BAZ1B: variants seen among roughly 807,000 people sequenced by gnomAD.
BAZ1B encodes the protein tyrosine-protein kinase BAZ1B.
BAZ1B carries 22 observed loss-of-function variants against 153.8 expected under a neutral mutation model. The ratio of observed to expected loss-of-function variants is 0.14; its 90% confidence interval spans 0.10 to 0.20. The LOEUF is 0.20. BAZ1B is among the 10% of genes least tolerant of loss of function. BAZ1B has a pLI of 1.00. For missense variants in BAZ1B, 1,325 were observed against 1,799.3 expected, an observed-to-expected ratio of 0.74 and a Z score of 4.77; for synonymous variants, 676 against 633.4, an observed-to-expected ratio of 1.07 and a Z score of -1.01.
rs541856588 is a variant in BAZ1B, at chr7:73,472,328, G to A, written c.2594-1845C>T. Among the ~76,000 whole-genome samples, 5 of 151,002 alleles carry A rather than the reference G, an allele frequency of 3.3e-5. No individual in the cohort carries two copies. The South Asian group carries it at 6.3e-4, about 19-fold the overall frequency. On this transcript the variant is annotated intron_variant, in intron 7 of 19. Transcript: ENST00000339594. ...GGCTGGAGTGCAATGGTATGATCTCGCCTCACCGCAACCTCCGCCTGCCGG... is the reference window on the plus strand; with the variant it reads ...GGCTGGAGTGCAATGGTATGATCTCACCTCACCGCAACCTCCGCCTGCCGG...
chr7:73,443,149 C>CA (rs1787692511), intron 17 of BAZ1B, among the ~76,000 whole-genome samples: 4 of 152,312 alleles, frequency 2.6e-5, no homozygotes, highest in Admixed American at 2.6e-4. Context: ...CACTAGCTCT[C>CA]AGAGAACAGG....
chr7:73,489,384 C>T lies in BAZ1B; in HGVS notation c.701G>A (p.Ser234Asn). 1 of 1,614,164 alleles carries T rather than the reference C, an allele frequency of 6.2e-7. No homozygotes were observed. The highest frequency in any genetic ancestry group is 8.5e-7 in the Non-Finnish European group (1 of 1,180,024). Residue 234 changes from serine to asparagine, a missense_variant, in exon 6 of 20, where the codon AGT (serine) becomes AAT (asparagine). This residue lies in a region of BAZ1B where 153 missense variants were observed against 204.8 expected (regional missense o/e 0.75). Coordinates refer to ENST00000339594, the MANE Select transcript of BAZ1B (RefSeq NM_032408.4). ...VKLQNEDKII[S>N]NVPADSLIRT... Reference sequence around the variant, plus strand: ...AATCAAGCTGTCTGCTGGCACGTTACTGATGATCTAGGTTAAAAAGAAACA... The same window carrying T: ...AATCAAGCTGTCTGCTGGCACGTTATTGATGATCTAGGTTAAAAAGAAACA...
Position 73,444,030 on chromosome 7 carries a change from G to A in BAZ1B, c.3944C>T (p.Ser1315Phe). The change falls in exon 17 of 20, where the codon TCT becomes TTT. Residue 1315 changes from serine to phenylalanine, a missense_variant. Ser to Phe is a radical substitution (Grantham distance 155). This residue lies in a region of BAZ1B where 271 missense variants were observed against 337.2 expected (regional missense o/e 0.80). Coordinates refer to ENST00000339594, the MANE Select transcript of BAZ1B (RefSeq NM_032408.4). Reference sequence around the variant, plus strand: ...ATCCACAGGTGGTGCCTTGGGCTGAGACCTCCTGGTAGAGTGTGGCTTCTT... The same window carrying A: ...ATCCACAGGTGGTGCCTTGGGCTGAAACCTCCTGGTAGAGTGTGGCTTCTT... ...PGKKPHSTRRSQPKAPPVDDA... is the reference protein window; with the variant it reads ...PGKKPHSTRRFQPKAPPVDDA... 6.2e-7 allele frequency: 1 copy of A among 1,613,916 alleles called. No homozygotes were observed. Among genetic ancestry groups the A allele is most frequent in the Non-Finnish European group, 8.5e-7 (1 of 1,179,932 alleles).
chr7:73,504,294 G>A (rs1206256722), intron 3 of BAZ1B, among the ~76,000 whole-genome samples: 4 of 152,188 alleles, frequency 2.6e-5, no homozygotes, highest in Admixed American at 2.6e-4. Flanking sequence ...CAAGGTGGGA[G>A]GATCATGCAA....
chr7:73,444,604 C>A (rs145432392), intron 16 of BAZ1B, among the ~76,000 whole-genome samples: 507 of 152,322 alleles, frequency 3.3e-3, no homozygotes, highest in Middle Eastern at 0.014. Context: ...CACTTACCAT[C>A]AGAATCTTTC....
intron 1 of BAZ1B, among the ~76,000 whole-genome samples, chr7:73,518,246 CAAAAAAA>C (rs34315305): frequency 7.8e-6 from 1 of 127,542 alleles, no homozygotes; most frequent in Non-Finnish European, 1.7e-5. Flanking sequence ...CTAAAAATAC[CAAAAAAA>C]AAAAAAAAAA....
chr7:73,498,525 T>G lies in BAZ1B; in HGVS notation c.543A>C (p.Lys181Asn). The change falls in exon 4 of 20, where the codon AAA becomes AAC. Residue 181 changes from lysine (K) to asparagine (N), a missense_variant. Coordinates refer to ENST00000339594, the MANE Select transcript of BAZ1B (RefSeq NM_032408.4). ...QDHQKKETVV[K>N]EDEGRRESIN... ...TACTCTCTCTCCTTCCTTCATCCTC[T>G]TTCACAACTGTCTCCTTCTTCTGAT... 1.2e-6 allele frequency: 2 copies of G among 1,614,094 alleles called. No homozygotes were observed. The highest frequency in any genetic ancestry group is 1.7e-6 in the Non-Finnish European group (2 of 1,179,982).
Position 73,442,297 on chromosome 7 carries a change from G to A in BAZ1B, c.4351C>T (p.Arg1451Cys), listed in dbSNP as rs1554565226. Reference protein sequence around the residue: ...HKHLPGHPYVRRKRKKFPDRL... With the variant: ...HKHLPGHPYVCRKRKKFPDRL... ...TCAGGAAACTTCTTGCGCTTCCTGC[G>A]GACATATGGGTGGCCAGGAAGGTGT... is the stretch of plus-strand genomic sequence containing the variant. Residue 1451 changes from arginine to cysteine, a missense_variant, in exon 19 of 20, where the codon CGC becomes TGC. Transcript: ENST00000339594. The A allele has an allele frequency of 4.3e-6, 7 of 1,614,084 alleles. No individual in the cohort carries two copies. The highest frequency in any genetic ancestry group is 2.2e-5 in the East Asian group (1 of 44,884).
intron 5 of BAZ1B, among the ~76,000 whole-genome samples, chr7:73,492,050 G>C (rs1013430184): frequency 1.3e-5 from 2 of 150,002 alleles, no homozygotes; most frequent in Non-Finnish European, 3.0e-5. Flanking sequence ...TGGAGTGCAG[G>C]GGCGCAATCT....
intron 2 of BAZ1B, among the ~76,000 whole-genome samples, chr7:73,510,482 A>G (rs1490776836): frequency 1.3e-5 from 2 of 152,208 alleles, no homozygotes; most frequent in African/African-American, 4.8e-5. Context: ...TTACAAGGTC[A>G]AAGTATGGAG....
At chr7:73,487,168 G>T (rs890325028) in intron 6 of BAZ1B, among the ~76,000 whole-genome samples, 6 of 152,158 alleles carry the variant, frequency 3.9e-5, no homozygotes, top group Admixed American at 3.9e-4. Flanking sequence ...CATAACATTA[G>T]TAAGTTAAGC....
intron 4 of BAZ1B, among the ~76,000 whole-genome samples, chr7:73,497,065 C>CTAAAAAAAAAAA (rs1789933415): frequency 2.0e-5 from 1 of 49,528 alleles, no homozygotes; most frequent in Non-Finnish European, 3.8e-5. Context: ...CTGACCTCTA[C>CTAAAAAAAAAAA]AAAAAAAAAA....
chr7:73,459,608 T>C lies in BAZ1B; in HGVS notation c.3360A>G (p.Arg1120=). ...QGFMAPKQKR[R]KLQSEDSAKT... Reference sequence around the variant, plus strand: ...TTGCTGAATCTTCACTTTGGAGTTTTCTTCTCTTTTGCTTGGGAGCCATGA... The same window carrying C: ...TTGCTGAATCTTCACTTTGGAGTTTCCTTCTCTTTTGCTTGGGAGCCATGA... Residue 1120 remains arginine (R), a synonymous_variant, in exon 13 of 20, where the codon AGA becomes AGG. Transcript: ENST00000339594. 6.2e-7 allele frequency: 1 copy of C among 1,614,140 alleles called. No individual in the cohort carries two copies. The highest frequency in any genetic ancestry group is 8.5e-7 in the Non-Finnish European group (1 of 1,180,036).
intron 4 of BAZ1B, among the ~76,000 whole-genome samples, chr7:73,493,441 C>A (rs1342714895): frequency 2.6e-5 from 4 of 151,902 alleles, no homozygotes; most frequent in East Asian, 1.9e-4. Context: ...GCCTGGGCAA[C>A]AGAGCAAGAC....
At chr7:73,454,924 C>G (rs782393871) in intron 13 of BAZ1B, among the ~76,000 whole-genome samples, 1 of 151,950 alleles carries the variant, frequency 6.6e-6, no homozygotes, top group Non-Finnish European at 1.5e-5. Flanking sequence ...GGTGCGATCT[C>G]GGCTCACTGC....
chr7:73,491,395 T>C (rs1789638211), intron 5 of BAZ1B, among the ~76,000 whole-genome samples: 2 of 151,372 alleles, frequency 1.3e-5, no homozygotes, highest in Admixed American at 6.6e-5. Context: ...AGGTCAGGAG[T>C]TCGAGATCAG....
rs1554573163 is a variant in BAZ1B, at chr7:73,478,153, C to T, written c.1308G>A (p.Lys436=). The T allele has an allele frequency of 1.2e-6, 2 of 1,614,178 alleles. No homozygotes were observed. Among genetic ancestry groups the T allele is most frequent in the African/African-American group, 1.3e-5 (1 of 75,034 alleles). ...KGLKTPKTKM[K]QMTLLDMAKG... ...TGGCCATATCCAACAAAGTCATCTG[C>T]TTCATTTTGGTTTTAGGAGTCTTCA... Residue 436 remains lysine, a synonymous_variant, in exon 7 of 20, where the codon AAG becomes AAA. Coordinates refer to ENST00000339594, the MANE Select transcript of BAZ1B (RefSeq NM_032408.4).
At chr7:73,500,061 G>A (rs193210448) in intron 3 of BAZ1B, among the ~76,000 whole-genome samples, 8 of 152,100 alleles carry the variant, frequency 5.3e-5, no homozygotes, top group African/African-American at 1.9e-4. Flanking sequence ...CAATTCTCTC[G>A]CCTCAGCCTC....
intron 9 of BAZ1B, among the ~76,000 whole-genome samples, chr7:73,468,560 A>G (rs1206000682): frequency 1.3e-5 from 2 of 152,186 alleles, no homozygotes; most frequent in Non-Finnish European, 2.9e-5. Context: ...ACTTTAAGAA[A>G]GAATATGGAT....
Sources: gnomAD v4.1 joint callset for allele counts (sites outside exome capture counted in the v4.1 genomes callset) on GRCh38, gnomAD v4.1.1 for gene constraint, gnomAD v4.1.1 regional missense constraint, MANE v1.5 for transcripts, NCBI Gene and HGNC (gene_info 2026-07-23, HGNC 2026-07-21) for gene names.